The following LARGE1 variants were observed in gnomAD, a reference collection of about 807,000 sequenced individuals.
LARGE1 encodes xylosyl- and glucuronyltransferase LARGE1.
LARGE1 carries 43 observed loss-of-function variants against 87.6 expected under a neutral mutation model. The ratio of observed to expected loss-of-function variants is 0.49; its 90% confidence interval spans 0.38 to 0.63. LARGE1 has a LOEUF of 0.63. Among genes scored for constraint, LARGE1 ranks in the 30% least tolerant of loss-of-function variants. The pLI, the probability that LARGE1 is intolerant of heterozygous loss-of-function variation, is 0.00. For synonymous variants in LARGE1, 434 were observed against 394.6 expected (o/e 1.10, Z -1.18); for missense variants, 802 against 1,000.2 (o/e 0.80, Z 2.67).
chr22:33,821,537 T>A (rs994160471), intron 1 of LARGE1, among the ~76,000 whole-genome samples: 2 of 152,090 alleles, frequency 1.3e-5, no homozygotes, highest in Non-Finnish European at 2.9e-5. Context: ...TCCAAGAAAG[T>A]GAGCCAAAGG....
chr22:33,328,580 A>AAATAAT (rs143321654), intron 10 of LARGE1, among the ~76,000 whole-genome samples: 264 of 146,444 alleles, frequency 1.8e-3, no homozygotes, highest in African/African-American at 5.4e-3. Context: ...CTCTCTCTCA[A>AAATAAT]AATAATAATA....
At chr22:33,801,265 G>A (rs1457455038) in intron 1 of LARGE1, among the ~76,000 whole-genome samples, 1 of 152,116 alleles carries the variant, frequency 6.6e-6, no homozygotes, top group African/African-American at 2.4e-5. Flanking sequence ...GCATGAAAAT[G>A]TACTAATACA....
At chr22:33,813,514 G>C (rs995098998) in intron 1 of LARGE1, among the ~76,000 whole-genome samples, 1 of 152,050 alleles carries the variant, frequency 6.6e-6, no homozygotes, top group Non-Finnish European at 1.5e-5. Flanking sequence ...ACATAAAACA[G>C]AATTGAGAAT....
rs923253100 is a variant in LARGE1, at chr22:33,273,943, T to C, written c.*484A>G. ...TTTAGATCATCGGTTTGCCCTCCGT[T>C]TGAATGCCCAGCTACATTGCAGGGC... On this transcript the variant is annotated 3_prime_UTR_variant, in exon 15 of 15. Transcript: ENST00000397394. The C allele has an allele frequency of 2.9e-5, 10 of 343,180 alleles. No homozygotes were observed. The highest frequency in any genetic ancestry group is 1.5e-4 in the African/African-American group (7 of 47,578). The allele number at this position is 343,180 out of a possible 1,614,324, so 21.3% of individuals were successfully genotyped here. A position where few individuals can be genotyped will look rare whatever the true frequency, so the allele number is the denominator to read the frequency against.
intron 1 of LARGE1, among the ~76,000 whole-genome samples, chr22:33,827,515 A>T (rs1046920317): frequency 6.6e-6 from 1 of 152,224 alleles, no homozygotes; most frequent in Non-Finnish European, 1.5e-5. Flanking sequence ...ACATTTAAAA[A>T]GCAATTCTGG....
At chr22:33,288,997 T>C (rs1322196366) in intron 12 of LARGE1, among the ~76,000 whole-genome samples, 12 of 152,030 alleles carry the variant, frequency 7.9e-5, no homozygotes, top group Admixed American at 7.9e-4. Flanking sequence ...CTCGCTCTGT[T>C]GCCCAGGCTG....
intron 9 of LARGE1, among the ~76,000 whole-genome samples, chr22:33,343,269 C>T (rs962750011): frequency 2.0e-5 from 3 of 152,078 alleles, no homozygotes; most frequent in African/African-American, 7.2e-5. Context: ...CAGGCACACA[C>T]CACCATGTCC....
chr22:33,538,845 T>G (rs1452928639), intron 6 of LARGE1, among the ~76,000 whole-genome samples: 1 of 152,214 alleles, frequency 6.6e-6, no homozygotes, highest in African/African-American at 2.4e-5. Context: ...CTGGCAAGTT[T>G]GCTGAATTTC....
At chr22:33,656,268 A>G (rs1363265015) in intron 2 of LARGE1, among the ~76,000 whole-genome samples, 1 of 152,216 alleles carries the variant, frequency 6.6e-6, no homozygotes, top group East Asian at 1.9e-4. Context: ...TGAGGGAAGA[A>G]CAAAGGCACA....
intron 10 of LARGE1, among the ~76,000 whole-genome samples, chr22:33,318,822 T>A (rs1167536615): frequency 6.6e-6 from 1 of 152,250 alleles, no homozygotes; most frequent in East Asian, 1.9e-4. Flanking sequence ...ATCAGCCTTG[T>A]CTATCACACG....
rs67771177 is a variant in LARGE1 at position 33,854,212 on chromosome 22, GAAAAAAAAAAAAA to G, written c.-83+65770_-83+65782del. ...ATGTAATTATAAATGCACTTAAGGG[GAAAAAAAAAAAAA>G]AAAAAAAAAAAAAGAAAGGACCTTG... is the stretch of plus-strand genomic sequence containing the variant. On this transcript the variant is annotated intron_variant, in intron 1 of 14. Coordinates refer to ENST00000397394, the MANE Select transcript of LARGE1 (RefSeq NM_133642.5). Among the ~76,000 whole-genome samples the G allele has an allele frequency of 2.1e-4, 15 of 72,716 alleles. 1 individual carries two copies. Among genetic ancestry groups the G allele is most frequent in the Admixed American group, 7.1e-4 (4 of 5,660 alleles). The allele number at this position is 72,716 out of a possible 152,430, so 47.7% of individuals were successfully genotyped here. A position where few individuals can be genotyped will look rare whatever the true frequency, so the allele number is the denominator to read the frequency against.
At chr22:33,363,449 A>G (rs1015854649) in intron 9 of LARGE1, among the ~76,000 whole-genome samples, 6 of 149,306 alleles carry the variant, frequency 4.0e-5, no homozygotes, top group African/African-American at 7.4e-5. Flanking sequence ...AAACCATCAG[A>G]TCTCATGAGA....
intron 11 of LARGE1, among the ~76,000 whole-genome samples, chr22:33,264,886 ATTCT>A (rs1365764823): frequency 1.0e-5 from 1 of 98,666 alleles, no homozygotes; most frequent in Non-Finnish European, 2.2e-5. Context: ...ATCTGATCAA[ATTCT>A]TTTTTTTTTT....
At chr22:33,382,240 G>A (rs573404105) in intron 8 of LARGE1, among the ~76,000 whole-genome samples, 196 bp from the exon 9 acceptor site, 6 of 152,240 alleles carry the variant, frequency 3.9e-5, no homozygotes, top group African/African-American at 4.8e-5. Flanking sequence ...GGATAGAGAC[G>A]GGGGAATGTC....
At chr22:33,783,206 G>A (rs920113418) in intron 1 of LARGE1, among the ~76,000 whole-genome samples, 1 of 151,986 alleles carries the variant, frequency 6.6e-6, no homozygotes, top group Non-Finnish European at 1.5e-5. Flanking sequence ...AGAGTGATGA[G>A]AGTCTCTTTG....
intron 11 of LARGE1, among the ~76,000 whole-genome samples, chr22:33,170,551 T>C (rs1346242098): frequency 1.3e-5 from 2 of 151,986 alleles, no homozygotes; most frequent in Non-Finnish European, 2.9e-5. Flanking sequence ...CTCGTGACAA[T>C]GAGGGAGATA....
chr22:33,072,697 G>A, the LARGE1 span, among the ~76,000 whole-genome samples: 1 of 152,114 alleles, frequency 6.6e-6, no homozygotes, highest in South Asian at 2.1e-4. Context: ...GTGTGGGTCA[G>A]TGATGGAGCA....
At chr22:33,177,329 A>C (rs1922930393) in intron 11 of LARGE1, among the ~76,000 whole-genome samples, 1 of 151,362 alleles carries the variant, frequency 6.6e-6, no homozygotes, top group African/African-American at 2.5e-5. Flanking sequence ...ATTTATGAAG[A>C]AAGATTATAG....
chr22:33,811,139 A>G (rs2086481862), intron 1 of LARGE1, among the ~76,000 whole-genome samples: 1 of 152,152 alleles, frequency 6.6e-6, no homozygotes, highest in Admixed American at 6.5e-5. Context: ...GTTAACTGCA[A>G]TAACCCTGCA....
Sources: gnomAD v4.1 joint callset for allele counts (sites outside exome capture counted in the v4.1 genomes callset) on GRCh38, gnomAD v4.1.1 for gene constraint, MANE v1.5 for transcripts, NCBI Gene and HGNC (gene_info 2026-07-23, HGNC 2026-07-21) for gene names.